Variants in MBNL2 observed in about 807,000 individuals in gnomAD.
MBNL2 encodes muscleblind-like protein 2.
A neutral mutation model predicts 41.9 loss-of-function variants in MBNL2; 17 were observed. The ratio of observed to expected loss-of-function variants is 0.41; its 90% CI spans 0.28 to 0.61. The LOEUF (loss-of-function observed/expected upper bound fraction) is 0.61, where lower values mean the gene tolerates loss of function less well. Among genes scored for constraint, MBNL2 ranks in the 20% least tolerant of loss-of-function variants. The pLI, the probability that MBNL2 is intolerant of heterozygous loss-of-function variation, is 0.35. For synonymous variants in MBNL2, 195 were observed against 182.9 expected (o/e 1.07, Z -0.53); for missense variants, 336 against 505.6 (o/e 0.66, Z 3.22).
At chr13:97,360,053 G>A (rs949818402) in intron 7 of MBNL2, among the ~76,000 whole-genome samples, 2 of 151,992 alleles carry the variant, frequency 1.3e-5, no homozygotes, top group African/African-American at 4.8e-5. Context: ...ATCATTGTTG[G>A]TTTGAAACCT....
chr13:97,197,282 A>T, the MBNL2 span, among the ~76,000 whole-genome samples: 2 of 152,246 alleles, frequency 1.3e-5, no homozygotes, highest in African/African-American at 4.8e-5. Context: ...TACCCCCTAC[A>T]CTTTTACTAA....
At position 97,347,080 on chromosome 13, in the gene MBNL2, GCCCGCCGCCCCTGCAC is replaced by G. The variant is rs2061946732; in HGVS notation, c.804+18_804+33del. ...GGCCACAGTCATGGTAAGTGCGGCC[GCCCGCCGCCCCTGCAC>G]CCCGGCGCCTCTGCGGAGGCCGCTC... On this transcript the variant is annotated intron_variant, in intron 5 of 8. Transcript: ENST00000679496. 6.6e-7 allele frequency: 1 copy of G among 1,525,134 alleles called. No homozygotes were observed. The highest frequency in any genetic ancestry group is 8.8e-7 in the Non-Finnish European group (1 of 1,138,724). The allele number at this position is 1,525,134 out of a possible 1,614,324, so 94.5% of individuals were successfully genotyped here.
intron 1 of MBNL2, among the ~76,000 whole-genome samples, chr13:97,248,186 G>A (rs1379562125): frequency 2.0e-5 from 3 of 152,192 alleles, no homozygotes; most frequent in Non-Finnish European, 4.4e-5. Context: ...AGGCTGGGGT[G>A]CAGTGGTGCG....
the MBNL2 span, among the ~76,000 whole-genome samples, chr13:97,160,564 ACACACACATG>A: frequency 6.6e-6 from 1 of 152,172 alleles, no homozygotes; most frequent in African/African-American, 2.4e-5. Context: ...AGACACGCAC[ACACACACATG>A]CACACACACA....
chr13:97,252,551 T>C (rs1312860578), intron 1 of MBNL2, among the ~76,000 whole-genome samples: 1 of 152,216 alleles, frequency 6.6e-6, no homozygotes, highest in African/African-American at 2.4e-5. Context: ...CATCTCTAAG[T>C]AAATTTTGTT....
the MBNL2 span, among the ~76,000 whole-genome samples, chr13:97,189,225 ACACT>A: frequency 2.6e-5 from 4 of 152,130 alleles, no homozygotes; most frequent in African/African-American, 9.7e-5. Flanking sequence ...AACTGTCAAA[ACACT>A]CAGTCACCGA....
intron 8 of MBNL2, among the ~76,000 whole-genome samples, chr13:97,388,082 A>C (rs1488555901): frequency 2.0e-5 from 3 of 152,124 alleles, no homozygotes; most frequent in African/African-American, 7.2e-5. Flanking sequence ...TGTTGAGCTC[A>C]CTTTGGTGAA....
the MBNL2 span, among the ~76,000 whole-genome samples, chr13:97,160,760 G>A: frequency 2.6e-5 from 4 of 152,190 alleles, no homozygotes; most frequent in Admixed American, 6.5e-5. Flanking sequence ...GTTCTTATTA[G>A]CATGGGTGCA....
At chr13:97,204,469 C>G in the MBNL2 span, among the ~76,000 whole-genome samples, 2 of 152,272 alleles carry the variant, frequency 1.3e-5, no homozygotes, top group South Asian at 4.1e-4. Context: ...CACATAAGCT[C>G]TTGAAGCCAT....
the MBNL2 span, among the ~76,000 whole-genome samples, chr13:97,191,540 A>G: frequency 6.6e-6 from 1 of 152,118 alleles, no homozygotes; most frequent in African/African-American, 2.4e-5. Context: ...GGTTATTAAC[A>G]CAAGCTACAC....
At chr13:97,272,971 G>T (rs186522455) in intron 1 of MBNL2, among the ~76,000 whole-genome samples, 5 of 152,310 alleles carry the variant, frequency 3.3e-5, no homozygotes, top group Non-Finnish European at 1.5e-5. Context: ...AATGAAAAAG[G>T]CTTCTTACCT....
intron 2 of MBNL2, among the ~76,000 whole-genome samples, chr13:97,320,299 A>T (rs2059394607): frequency 6.9e-6 from 1 of 145,630 alleles, no homozygotes; most frequent in Non-Finnish European, 1.5e-5. Flanking sequence ...TCACTCTGTC[A>T]CCCAGGCTGC....
At chr13:97,290,061 A>G (rs1194768117) in intron 2 of MBNL2, among the ~76,000 whole-genome samples, 1 of 152,212 alleles carries the variant, frequency 6.6e-6, no homozygotes. Flanking sequence ...TGTTTCTCCT[A>G]TAAAAGTCTC....
intron 1 of MBNL2, among the ~76,000 whole-genome samples, chr13:97,239,037 C>T (rs999896038): frequency 2.6e-5 from 4 of 152,292 alleles, no homozygotes; most frequent in Middle Eastern, 3.4e-3. Flanking sequence ...TCAAAATAAC[C>T]GTTTCGGAGA....
chr13:97,251,436 C>T lies in MBNL2; in HGVS notation c.-604-24196C>T, dbSNP rs546072770. ...ACTAAAGAAAAAGACATAGCTGATA[C>T]ACTTTCTTAACCCTGCTTTAAGTTT... On this transcript the variant is annotated intron_variant, in intron 1 of 8. Coordinates refer to ENST00000679496, the MANE Select transcript of MBNL2 (RefSeq NM_001382683.1). 6.8e-4 allele frequency among the ~76,000 whole-genome samples: 104 copies of T among 152,226 alleles called. 1 individual carries two copies. Among genetic ancestry groups the T allele is most frequent in the Admixed American group, 1.9e-3 (29 of 15,284 alleles).
chr13:97,173,823 T>C, the MBNL2 span, among the ~76,000 whole-genome samples: 1 of 152,192 alleles, frequency 6.6e-6, no homozygotes, highest in South Asian at 2.1e-4. Context: ...GCCTGGCTAA[T>C]GTGGAATCAT....
intron 2 of MBNL2, among the ~76,000 whole-genome samples, chr13:97,278,809 A>C (rs987214636): frequency 2.6e-5 from 4 of 152,216 alleles, no homozygotes; most frequent in Non-Finnish European, 5.9e-5. Flanking sequence ...TTTGAGTGCA[A>C]CATTACACAT....
At chr13:97,271,749 A>G (rs554136956) in intron 1 of MBNL2, among the ~76,000 whole-genome samples, 99 of 152,308 alleles carry the variant, frequency 6.5e-4, no homozygotes, top group Non-Finnish European at 8.5e-4. Flanking sequence ...TGTCCCTGCA[A>G]AGGACATGAT....
chr13:97,193,083 A>G, the MBNL2 span, among the ~76,000 whole-genome samples: 1 of 152,208 alleles, frequency 6.6e-6, no homozygotes. Context: ...GGAGGACAAG[A>G]GCTGTTTTGA....
Sources: allele counts gnomAD v4.1 joint callset (sites outside exome capture counted in the v4.1 genomes callset), GRCh38; gene constraint gnomAD v4.1.1; transcripts MANE v1.5; gene names NCBI Gene and HGNC (gene_info 2026-07-23, HGNC 2026-07-21).